AP2B1: variants seen among roughly 807,000 people sequenced by gnomAD.
The protein encoded by AP2B1 is AP-2 complex subunit beta.
In AP2B1, 23 loss-of-function variants were observed where a neutral mutation model predicts 102.0. The observed-to-expected ratio is 0.23, with a 90% CI of 0.16 to 0.32. The LOEUF is 0.32. Among genes scored for constraint, AP2B1 ranks in the 10% least tolerant of loss-of-function variants. The pLI is 1.00. For missense variants in AP2B1, 541 were observed against 1,157.4 expected, an observed-to-expected ratio of 0.47 and a Z score of 7.73; for synonymous variants, 381 against 421.2, an observed-to-expected ratio of 0.90 and a Z score of 1.17.
rs1314468774 is a variant in AP2B1, at chr17:35,702,006, C to T, written c.2455-7218C>T. Among the ~76,000 whole-genome samples the T allele has an allele frequency of 2.0e-5, 3 of 152,294 alleles. No homozygotes were observed. In the South Asian group the frequency reaches 6.2e-4, roughly 32 times the overall value. ...GTTTATTTTACAACTGTTATTCTTACTCAGCACCTATTCTGTGCCAGTCAC... is the reference window on the plus strand; with the variant it reads ...GTTTATTTTACAACTGTTATTCTTATTCAGCACCTATTCTGTGCCAGTCAC... On this transcript the variant is annotated intron_variant, in intron 18 of 21. Transcript: ENST00000610402.
intron 12 of AP2B1, among the ~76,000 whole-genome samples, chr17:35,644,287 A>G (rs1378086861): frequency 6.6e-6 from 1 of 152,198 alleles, no homozygotes; most frequent in Non-Finnish European, 1.5e-5. Context: ...CTGAAGCAAT[A>G]TTGAGCATAA....
intron 16 of AP2B1, among the ~76,000 whole-genome samples, chr17:35,673,671 C>T (rs189752980): frequency 3.7e-4 from 57 of 152,222 alleles, no homozygotes; most frequent in African/African-American, 1.2e-3. Context: ...GTATATAAGA[C>T]ATAGTCGATG....
chr17:35,610,407 A>G (rs1393766382), intron 5 of AP2B1, among the ~76,000 whole-genome samples: 1 of 151,892 alleles, frequency 6.6e-6, no homozygotes, highest in Non-Finnish European at 1.5e-5. Flanking sequence ...TTGACCTCCC[A>G]AAGTGCTGGG....
chr17:35,610,260 G>A (rs1446839793), intron 5 of AP2B1, among the ~76,000 whole-genome samples: 6 of 151,762 alleles, frequency 4.0e-5, no homozygotes, highest in Non-Finnish European at 8.8e-5. Flanking sequence ...TTCTCCTCCT[G>A]CCTCAGCCTC....
chr17:35,716,840 A>C (rs1285090070), intron 20 of AP2B1, among the ~76,000 whole-genome samples: 1 of 152,180 alleles, frequency 6.6e-6, no homozygotes, highest in South Asian at 2.1e-4. Flanking sequence ...GCATACCCAC[A>C]CACTTATTTC....
At chr17:35,656,862 G>A (rs2075240116) in intron 13 of AP2B1, among the ~76,000 whole-genome samples, 1 of 145,926 alleles carries the variant, frequency 6.9e-6, no homozygotes, top group South Asian at 2.2e-4. Context: ...TCCAGCCTGG[G>A]CGACAGAGCG....
At chr17:35,594,970 C>T (rs1444923911) in intron 2 of AP2B1, among the ~76,000 whole-genome samples, 1 of 152,160 alleles carries the variant, frequency 6.6e-6, no homozygotes, top group African/African-American at 2.4e-5. Flanking sequence ...TGTAGCTTAG[C>T]TTGCTTTATT....
chr17:35,671,936 T>C (rs527586160), intron 16 of AP2B1, 36 bp downstream of exon 16: 8 of 1,607,074 alleles, frequency 5.0e-6, no homozygotes, highest in Non-Finnish European at 6.8e-6. Flanking sequence ...ACTTTCTTAA[T>C]GGACAGGACC....
intron 9 of AP2B1, among the ~76,000 whole-genome samples, chr17:35,633,358 A>C (rs1033368010): frequency 2.7e-5 from 1 of 37,242 alleles, no homozygotes; most frequent in Admixed American, 2.9e-4. Flanking sequence ...ACTGTGTCTC[A>C]AAAAAAAAAA....
intron 21 of AP2B1, among the ~76,000 whole-genome samples, chr17:35,718,814 A>G (rs1336888906): frequency 4.5e-5 from 6 of 134,446 alleles, no homozygotes; most frequent in Admixed American, 2.2e-4. Context: ...CCATTATTTT[A>G]TTGTATATAG....
At chr17:35,616,193 C>G (rs1244085689) in intron 5 of AP2B1, among the ~76,000 whole-genome samples, 2 of 111,342 alleles carry the variant, frequency 1.8e-5, no homozygotes, top group Non-Finnish European at 3.4e-5. Flanking sequence ...GAGACGGAGT[C>G]TCGCTCAGTC....
chr17:35,645,571 C>T (rs538274907), intron 12 of AP2B1, among the ~76,000 whole-genome samples: 22 of 152,232 alleles, frequency 1.4e-4, no homozygotes, highest in East Asian at 3.9e-4. Context: ...AAACAAAGGC[C>T]GGGCATGGTG....
intron 18 of AP2B1, among the ~76,000 whole-genome samples, chr17:35,685,234 G>A (rs1479242168): frequency 1.3e-5 from 2 of 152,176 alleles, no homozygotes; most frequent in Admixed American, 1.3e-4. Context: ...CTTGAAAAGA[G>A]AAAAACTTTT....
chr17:35,657,559 A>G (rs1193685739), intron 13 of AP2B1, 40 bp from the exon 14 acceptor site: 1 of 1,566,114 alleles, frequency 6.4e-7, no homozygotes, highest in Non-Finnish European at 8.7e-7. Context: ...GGTGAAACTG[A>G]CTTTTCTCTT....
chr17:35,711,459 C>T (rs190727947), intron 20 of AP2B1, among the ~76,000 whole-genome samples: 1 of 151,560 alleles, frequency 6.6e-6, no homozygotes, highest in African/African-American at 2.4e-5. Flanking sequence ...CTTCTCATTC[C>T]AGCTTCCCCC....
At chr17:35,651,955 G>A (rs1009585955) in intron 13 of AP2B1, among the ~76,000 whole-genome samples, 1 of 152,154 alleles carries the variant, frequency 6.6e-6, no homozygotes, top group South Asian at 2.1e-4. Flanking sequence ...ATGTAGATAC[G>A]GATTTTCTGT....
intron 12 of AP2B1, among the ~76,000 whole-genome samples, chr17:35,645,032 G>A (rs1353518817): frequency 8.0e-5 from 12 of 149,660 alleles, no homozygotes; most frequent in South Asian, 2.1e-4. Context: ...ACTCTGTCTC[G>A]GAAAAAAAAA....
chr17:35,708,849 T>G (rs587612224), intron 18 of AP2B1, among the ~76,000 whole-genome samples: 1 of 152,186 alleles, frequency 6.6e-6, no homozygotes, highest in African/African-American at 2.4e-5. Context: ...GGGAATGATA[T>G]CTACTTTGTT....
chr17:35,589,070 T>A (rs2072997809), intron 1 of AP2B1, among the ~76,000 whole-genome samples: 1 of 152,236 alleles, frequency 6.6e-6, no homozygotes, highest in Non-Finnish European at 1.5e-5. Context: ...GAATTAGATG[T>A]AAAACTTTTG....
Sources: allele counts gnomAD v4.1 joint callset (sites outside exome capture counted in the v4.1 genomes callset), GRCh38; gene constraint gnomAD v4.1.1; transcripts MANE v1.5; gene names NCBI Gene and HGNC (gene_info 2026-07-23, HGNC 2026-07-21).